Variants in ADAMTSL1 observed in about 807,000 individuals in gnomAD.
ADAMTSL1 encodes the protein ADAMTS like 1.
A neutral mutation model predicts 201.8 loss-of-function variants in ADAMTSL1; 126 were observed. The observed-to-expected ratio is 0.62, with a 90% CI of 0.54 to 0.72. The LOEUF (loss-of-function observed/expected upper bound fraction) is 0.72, where lower values mean the gene tolerates loss of function less well. Ranked by LOEUF, ADAMTSL1 falls within the 30% of genes least tolerant of loss-of-function variation. The pLI, the probability that ADAMTSL1 is intolerant of heterozygous loss-of-function variation, is 0.00. For synonymous variants in ADAMTSL1, 1,121 were observed against 903.4 expected (o/e 1.24, Z -4.32); for missense variants, 2,679 against 2,277.8 (o/e 1.18, Z -3.59).
At chr9:18,105,587 G>C (rs1331346349) in intron 1 of ADAMTSL1, among the ~76,000 whole-genome samples, 2 of 152,100 alleles carry the variant, frequency 1.3e-5, no homozygotes, top group African/African-American at 4.8e-5. Flanking sequence ...TTACTGTAGT[G>C]GAGAAATCAC....
intron 4 of ADAMTSL1, among the ~76,000 whole-genome samples, chr9:18,614,023 A>C: frequency 6.6e-6 from 1 of 152,216 alleles, no homozygotes; most frequent in East Asian, 1.9e-4. Flanking sequence ...GAAGTGCCTG[A>C]GAAAGAGTGT....
chr9:18,611,513 G>A lies in ADAMTSL1; in HGVS notation c.475-10730G>A, dbSNP rs1297562598. ...AAACAATACACAAAAAAATCCAGAT[G>A]TGTTTAGCAAAAAATTTATGTAAGA... is the stretch of plus-strand genomic sequence containing the variant. On this transcript the variant is annotated intron_variant, in intron 4 of 28. Coordinates refer to ENST00000380548, the MANE Select transcript of ADAMTSL1 (RefSeq NM_001040272.6). Among the ~76,000 whole-genome samples, 2 of 152,162 alleles carry A rather than the reference G, an allele frequency of 1.3e-5. 1 individual carries two copies. The highest frequency in any genetic ancestry group is 4.8e-5 in the African/African-American group (2 of 41,458).
chr9:18,893,088 T>C (rs1563896215), intron 26 of ADAMTSL1, among the ~76,000 whole-genome samples: 2 of 151,968 alleles, frequency 1.3e-5, no homozygotes, highest in Admixed American at 6.6e-5. Context: ...GACTCCTTTC[T>C]GGAGCTTCTA....
At position 18,779,737 on chromosome 9, in the gene ADAMTSL1, T is replaced by C. The variant is rs56059596; in HGVS notation, c.3677+1831T>C. On this transcript the variant is annotated intron_variant, in intron 19 of 28. Transcript: ENST00000380548. ...AGTCGAGCCCTTTGAGGTCACTGAG[T>C]GGCAGCTCCAGTGTGTGGACCCAGG... Among the ~76,000 whole-genome samples, 1,389 of 152,292 alleles carry C rather than the reference T, an allele frequency of 9.1e-3. 9 individuals are homozygous for C. Among genetic ancestry groups the C allele is most frequent in the Non-Finnish European group, 0.014 (942 of 68,026 alleles).
At position 18,854,463 on chromosome 9, in the gene ADAMTSL1, G is replaced by A. The variant is rs1241462818; in HGVS notation, c.4249+24486G>A. On this transcript the variant is annotated intron_variant, in intron 23 of 28. Coordinates refer to ENST00000380548, the MANE Select transcript of ADAMTSL1 (RefSeq NM_001040272.6). ...GATACACAAGAAACTTGGAATACTG[G>A]TTGCCTGTGAGAAGAGGAACCAGGT... Among the ~76,000 whole-genome samples, 4 of 152,208 alleles carry A rather than the reference G, an allele frequency of 2.6e-5. No individual in the cohort carries two copies. In the East Asian group the frequency reaches 7.7e-4, roughly 29 times the overall value.
At chr9:18,830,802 T>G (rs1247024473) in intron 23 of ADAMTSL1, among the ~76,000 whole-genome samples, 2 of 152,176 alleles carry the variant, frequency 1.3e-5, no homozygotes, top group African/African-American at 4.8e-5. Context: ...ACCTTCCTCT[T>G]GTGCTGTGAA....
At chr9:18,291,310 G>T (rs1833252065) in intron 2 of ADAMTSL1, among the ~76,000 whole-genome samples, 1 of 152,172 alleles carries the variant, frequency 6.6e-6, no homozygotes, top group South Asian at 2.1e-4. Flanking sequence ...TCATGAATAA[G>T]TCAGAACGCT....
At chr9:18,034,997 G>C (rs1821130191) in intron 1 of ADAMTSL1, among the ~76,000 whole-genome samples, 1 of 152,052 alleles carries the variant, frequency 6.6e-6, no homozygotes, top group African/African-American at 2.4e-5. Flanking sequence ...TTCCTTCTCT[G>C]TTATGATTGT....
At chr9:18,287,428 A>G (rs1371896360) in intron 2 of ADAMTSL1, among the ~76,000 whole-genome samples, 2 of 151,830 alleles carry the variant, frequency 1.3e-5, no homozygotes, top group Admixed American at 6.6e-5. Flanking sequence ...TATCTGTAAT[A>G]TTTCTACATA....
At chr9:18,002,934 C>T (rs772470785) in intron 1 of ADAMTSL1, among the ~76,000 whole-genome samples, 14 of 152,004 alleles carry the variant, frequency 9.2e-5, no homozygotes, top group East Asian at 5.8e-4. Context: ...ACTGTGACTG[C>T]GGACCCACTG....
At chr9:18,482,609 A>G (rs948202883) in intron 1 of ADAMTSL1, among the ~76,000 whole-genome samples, 11 of 152,196 alleles carry the variant, frequency 7.2e-5, no homozygotes, top group African/African-American at 2.7e-4. Context: ...GCAACCTATA[A>G]TAAATTCAAA....
intron 2 of ADAMTSL1, among the ~76,000 whole-genome samples, chr9:18,315,089 T>G (rs1472942030): frequency 6.6e-6 from 1 of 152,062 alleles, no homozygotes; most frequent in East Asian, 1.9e-4. Context: ...TATCTGACCC[T>G]ACCCACATCC....
intron 1 of ADAMTSL1, among the ~76,000 whole-genome samples, chr9:17,957,815 A>G (rs540546103): frequency 1.2e-4 from 18 of 152,290 alleles, no homozygotes; most frequent in African/African-American, 4.3e-4. Flanking sequence ...TGAGGTAGCT[A>G]CAAGCCAAGA....
intron 26 of ADAMTSL1, among the ~76,000 whole-genome samples, chr9:18,897,820 T>C (rs1829743412): frequency 6.6e-6 from 1 of 152,128 alleles, no homozygotes; most frequent in Non-Finnish European, 1.5e-5. Flanking sequence ...CCAACACTTC[T>C]CCTGCAAGGG....
intron 1 of ADAMTSL1, among the ~76,000 whole-genome samples, chr9:18,078,799 G>T (rs1189756463): frequency 6.6e-6 from 1 of 152,064 alleles, no homozygotes; most frequent in Non-Finnish European, 1.5e-5. Flanking sequence ...CTTCCCAGTT[G>T]GTTTGTACAA....
At chr9:18,099,646 T>G (rs1049148953) in intron 1 of ADAMTSL1, among the ~76,000 whole-genome samples, 15 of 148,560 alleles carry the variant, frequency 1.0e-4, no homozygotes, top group African/African-American at 3.7e-4. Flanking sequence ...CTTTTTTTTT[T>G]TTTTTTCTTG....
intron 1 of ADAMTSL1, among the ~76,000 whole-genome samples, chr9:18,490,907 G>T (rs1822240119): frequency 6.6e-6 from 1 of 152,162 alleles, no homozygotes; most frequent in Admixed American, 6.5e-5. Flanking sequence ...GTGAACATGG[G>T]TTAGCCTTTC....
At chr9:18,563,330 C>T (rs1183710085) in intron 3 of ADAMTSL1, among the ~76,000 whole-genome samples, 2 of 152,170 alleles carry the variant, frequency 1.3e-5, no homozygotes, top group African/African-American at 2.4e-5. Context: ...ACCTGGGTAT[C>T]GGCAGCGGAG....
Position 18,662,052 on chromosome 9 carries a change from A to G in ADAMTSL1, c.1064A>G (p.Asn355Ser), listed in dbSNP as rs1038736765. The G allele has an allele frequency of 1.9e-6, 3 of 1,613,896 alleles. No individual in the cohort carries two copies. The highest frequency in any genetic ancestry group is 2.5e-6 in the Non-Finnish European group (3 of 1,179,868). ...IKPKPKLQEC[N>S]LDPCPASDGY... ...CCCAAACCCAAGCTTCAGGAGTGCA[A>G]CTTGGATCCTTGTCCAGCCAGGTCA... is the stretch of plus-strand genomic sequence containing the variant. Residue 355 changes from asparagine to serine, a missense_variant, in exon 9 of 29, where the codon AAC (asparagine) becomes AGC (serine). By Grantham distance (46) the Asn-to-Ser change is conservative. Transcript: ENST00000380548.
Sources: gnomAD v4.1 joint callset for allele counts (sites outside exome capture counted in the v4.1 genomes callset) on GRCh38, gnomAD v4.1.1 for gene constraint, MANE v1.5 for transcripts, NCBI Gene and HGNC (gene_info 2026-07-23, HGNC 2026-07-21) for gene names.